The following SEPTIN3 variants were observed in gnomAD, a reference collection of about 807,000 sequenced individuals.
SEPTIN3 encodes septin 3, also known as neuronal-specific septin-3.
Under a neutral mutation model 45.1 loss-of-function variants are expected in SEPTIN3, and 15 were observed. The observed-to-expected ratio is 0.33, with a 90% confidence interval of 0.22 to 0.51. SEPTIN3 has a LOEUF of 0.51. SEPTIN3 is among the 20% of genes least tolerant of loss of function. The pLI is 0.97. For missense variants in SEPTIN3, 289 were observed against 457.2 expected (o/e 0.63, Z 3.35); for synonymous variants, 148 against 164.8 (o/e 0.90, Z 0.78).
intron 4 of SEPTIN3, 36 bp downstream of exon 4, chr22:41,986,148 C>T: frequency 6.2e-7 from 1 of 1,605,698 alleles, no homozygotes. Flanking sequence ...GGGCTTTGTT[C>T]AGTGAGTGCC....
intron 8 of SEPTIN3, among the ~76,000 whole-genome samples, 197 bp downstream of exon 8, chr22:41,991,865 G>A (rs11703091): frequency 6.6e-6 from 1 of 152,160 alleles, no homozygotes; most frequent in African/African-American, 2.4e-5. Flanking sequence ...CCTGTACCCA[G>A]AAAGCCTTCT....
At chr22:41,996,190 G>A in intron 11 of SEPTIN3, 1 of 985,192 alleles carries the variant, frequency 1.0e-6, no homozygotes, top group Non-Finnish European at 1.2e-6. Context: ...ATACATTTAG[G>A]CTTTTCTTGC....
At chr22:41,991,079 CAACA>C (rs1378720535) in intron 7 of SEPTIN3, among the ~76,000 whole-genome samples, 1 of 146,230 alleles carries the variant, frequency 6.8e-6, no homozygotes, top group Non-Finnish European at 1.5e-5. Flanking sequence ...AACAAACAAA[CAACA>C]AACAAACAAA....
At position 41,994,922 on chromosome 22, in the gene SEPTIN3, T is replaced by A. The variant is rs981976065; in HGVS notation, c.2505+208T>A. 256 of 1,297,166 alleles carry A rather than the reference T, an allele frequency of 2.0e-4. 1 individual carries two copies. The highest frequency in any genetic ancestry group is 2.2e-4 in the African/African-American group (14 of 63,706). 80.4% of individuals were successfully genotyped at this position (1,297,166 alleles called of 1,614,324 possible). ...GTGTGTGTGTGTGTGTGTGTGTGTGTGACAGAGAGAGAGCGAGAGAGCCTG... is the reference window on the plus strand; with the variant it reads ...GTGTGTGTGTGTGTGTGTGTGTGTGAGACAGAGAGAGAGCGAGAGAGCCTG... On this transcript the variant is annotated intron_variant, in intron 11 of 11. Coordinates refer to ENST00000644076, the MANE Select transcript of SEPTIN3 (RefSeq NM_001363845.2). The surrounding 1 kb of genome is among the most constrained non-coding windows in gnomAD (Gnocchi z 4.2).
chr22:41,972,116 G>A lies in SEPTIN3; in HGVS notation c.624G>A (p.Glu208=), dbSNP rs1378561042. 4 of 399,006 alleles carry A rather than the reference G, an allele frequency of 1.0e-5. No individual in the cohort carries two copies. Among genetic ancestry groups the A allele is most frequent in the Non-Finnish European group, 1.8e-5 (4 of 226,120 alleles). 24.7% of individuals were successfully genotyped at this position (399,006 alleles called of 1,614,324 possible). Residue 208 remains glutamate (E), a synonymous_variant, in exon 2 of 12, where the codon GAG becomes GAA. Coordinates refer to ENST00000644076, the MANE Select transcript of SEPTIN3 (RefSeq NM_001363845.2). ...RLAQSAPVLA[E]PGSLGQGHLV... is the part of the protein sequence containing the mutation. ...CCCAGAGTGCACCAGTCCTTGCAGA[G>A]CCAGGCTCGTTGGGCCAGGGGCACC... is the stretch of plus-strand genomic sequence containing the variant.
chr22:41,985,847 C>G, intron 3 of SEPTIN3, 137 bp from the exon 4 acceptor site: 3 of 1,084,322 alleles, frequency 2.8e-6, no homozygotes, highest in Non-Finnish European at 3.8e-6. Flanking sequence ...CCCACTCAGC[C>G]TGGCCATCCC....
At chr22:41,969,726 G>T (rs2077938119) in intron 1 of SEPTIN3, 49 bp downstream of exon 1, 1 of 146,988 alleles carries the variant, frequency 6.8e-6, no homozygotes, top group South Asian at 2.2e-4. Context: ...GGGGGTGGGA[G>T]GGTGGTGGGG....
At chr22:41,992,982 C>T (rs542514910) in intron 9 of SEPTIN3, among the ~76,000 whole-genome samples, 4 of 152,196 alleles carry the variant, frequency 2.6e-5, no homozygotes, top group African/African-American at 7.2e-5. Flanking sequence ...ACTGACTTAG[C>T]GCATCAAAGG....
At chr22:41,987,536 G>A (rs2078229598) in intron 5 of SEPTIN3, 86 bp from the exon 6 acceptor site, 1 of 1,473,452 alleles carries the variant, frequency 6.8e-7, no homozygotes, top group East Asian at 2.3e-5. Context: ...TGACATGAAT[G>A]TAAGGAGATT....
chr22:41,989,711 C>A, intron 7 of SEPTIN3, 27 bp downstream of exon 7: 1 of 1,419,442 alleles, frequency 7.0e-7, no homozygotes, highest in Non-Finnish European at 1.0e-6. Context: ...TCTTCTTTTC[C>A]TGTTCCCATC....
At chr22:41,977,901 G>A (rs1455859253) in intron 2 of SEPTIN3, among the ~76,000 whole-genome samples, 3 of 152,196 alleles carry the variant, frequency 2.0e-5, no homozygotes, top group Non-Finnish European at 4.4e-5. Context: ...CAGGTGGATG[G>A]TGCCTCTCCC....
Position 41,994,998 on chromosome 22 carries a change from C to G in SEPTIN3, c.2505+284C>G, listed in dbSNP as rs2078405167. ...TTTTCACTGCCCTCCCTGGAGAGTC[C>G]CTTGTAAGTTTGGCTCCTCCATGCC... On this transcript the variant is annotated intron_variant, in intron 11 of 11. Coordinates refer to ENST00000644076, the MANE Select transcript of SEPTIN3 (RefSeq NM_001363845.2). This position sits in a 1 kb window ranked among gnomAD's most constrained non-coding sequence, Gnocchi z 4.2. The G allele has an allele frequency of 7.6e-7, 1 of 1,309,450 alleles. No individual in the cohort carries two copies. The highest frequency in any genetic ancestry group is 9.8e-7 in the Non-Finnish European group (1 of 1,023,698). The allele number at this position is 1,309,450 out of a possible 1,614,324, so 81.1% of individuals were successfully genotyped here.
rs1019313538 is a variant in SEPTIN3, at chr22:41,981,455, T to A, written c.1505-190T>A. The A allele has an allele frequency of 7.1e-6, 4 of 563,156 alleles. No homozygotes were observed. In the African/African-American group the frequency reaches 7.5e-5, roughly 11 times the overall value. 34.9% of individuals were successfully genotyped at this position (563,156 alleles called of 1,614,324 possible). On this transcript the variant is annotated intron_variant, in intron 2 of 11. Transcript: ENST00000644076. ...CCTCTGACCTGCTCTGTGTTCTTAG[T>A]TGAGTTCTTTCTCCTCCAGGCCTCA...
At chr22:41,993,329 T>A (rs561929056) in intron 9 of SEPTIN3, among the ~76,000 whole-genome samples, 1 of 112,924 alleles carries the variant, frequency 8.9e-6, no homozygotes, top group Non-Finnish European at 1.8e-5. Flanking sequence ...CAGACTCAGA[T>A]TTTTTTTTTT....
chr22:41,988,313 G>A (rs1470828718), intron 6 of SEPTIN3, among the ~76,000 whole-genome samples: 1 of 152,178 alleles, frequency 6.6e-6, no homozygotes, highest in African/African-American at 2.4e-5. Context: ...ACACAAGCAT[G>A]TTGGGAACTC....
In SEPTIN3 at chr22:41,996,946, C is replaced by A. The variant is rs971444347; in HGVS notation, c.2550C>A (p.Thr850=). The A allele has an allele frequency of 6.2e-7, 1 of 1,613,958 alleles. No individual in the cohort carries two copies. Among genetic ancestry groups the A allele is most frequent in the African/African-American group, 1.3e-5 (1 of 74,920 alleles). Reference sequence around the variant, plus strand: ...CTGTCCTTCCACCTGTGCCAGCCACCCCCTGCCCCACTGCTGAATGAAGGC... The same window carrying A: ...CTGTCCTTCCACCTGTGCCAGCCACACCCTGCCCCACTGCTGAATGAAGGC... The part of the protein sequence containing the change: ...LGTVLPPVPA[T]PCPTAE Residue 850 remains threonine, a synonymous_variant, in exon 12 of 12, where the codon ACC becomes ACA. Transcript: ENST00000644076.
At chr22:41,985,415 T>C (rs748968890) in intron 3 of SEPTIN3, among the ~76,000 whole-genome samples, 33 of 152,198 alleles carry the variant, frequency 2.2e-4, no homozygotes, top group Non-Finnish European at 4.1e-4. Flanking sequence ...CAAGATGTTA[T>C]TAGGGTTTGA....
In SEPTIN3 at chr22:41,992,759, C is replaced by T. The variant is rs547037133; in HGVS notation, c.2355C>T (p.Ile785=). 41 of 1,602,446 alleles carry T rather than the reference C, an allele frequency of 2.6e-5. No homozygotes were observed. The highest frequency in any genetic ancestry group is 1.7e-4 in the Middle Eastern group (1 of 6,040). ...VLGRKTPWGI[I]EVENLNHCEF... ...GCCGAAAAACTCCATGGGGGATCAT[C>T]GAAGGTAATTCACTGCATCTTCTGG... Residue 785 remains isoleucine (I), a synonymous_variant, in exon 9 of 12, where the codon ATC becomes ATT. Transcript: ENST00000644076.
chr22:41,980,919 T>C (rs116040303), intron 2 of SEPTIN3, among the ~76,000 whole-genome samples: 3,747 of 152,116 alleles, frequency 0.025, 149 homozygotes, highest in African/African-American at 0.085. Flanking sequence ...CTCCTTCAGG[T>C]ACAGACACCC....
Sources: allele counts gnomAD v4.1 joint callset (sites outside exome capture counted in the v4.1 genomes callset), GRCh38; gene constraint gnomAD v4.1.1; non-coding constraint Gnocchi (gnomAD v3.1); transcripts MANE v1.5; gene names NCBI Gene and HGNC (gene_info 2026-07-23, HGNC 2026-07-21).